GMDS: variants seen among roughly 807,000 people sequenced by gnomAD.
The protein encoded by GMDS is GDP-mannose 4,6-dehydratase.
In GMDS, 20 loss-of-function variants were observed where a neutral mutation model predicts 49.9. That is an observed-to-expected ratio of 0.40 (90% CI 0.28 to 0.58). GMDS has a LOEUF of 0.58. GMDS is among the 20% of genes least tolerant of loss of function. The pLI is 0.42. For missense variants in GMDS, 362 were observed against 481.4 expected (o/e 0.75, Z 2.32); for synonymous variants, 177 against 178.6 (o/e 0.99, Z 0.07).
rs115929336 is a variant in GMDS, at chr6:1,885,726, C to T, written c.771+44377G>A. On this transcript the variant is annotated intron_variant, in intron 7 of 10. Coordinates refer to ENST00000380815, the MANE Select transcript of GMDS (RefSeq NM_001500.4). The stretch of plus-strand genomic sequence containing the variant: ...GTTACCATCTACTTGCTATTCCCTA[C>T]GGGACATCGCTCCTCCTCTGGTATG... Among the ~76,000 whole-genome samples, 590 of 152,298 alleles carry T rather than the reference C, an allele frequency of 3.9e-3. 7 individuals carry two copies. Among genetic ancestry groups the T allele is most frequent in the African/African-American group, 0.011 (473 of 41,560 alleles).
intron 4 of GMDS, among the ~76,000 whole-genome samples, chr6:2,016,040 C>A (rs1767871119): frequency 1.3e-5 from 1 of 78,530 alleles, no homozygotes; most frequent in African/African-American, 4.8e-5. Flanking sequence ...GAAATAGAGA[C>A]CAGCCTAGGC....
intron 9 of GMDS, among the ~76,000 whole-genome samples, chr6:1,661,378 T>C (rs985969405): frequency 1.3e-5 from 2 of 152,202 alleles, no homozygotes; most frequent in African/African-American, 2.4e-5. Context: ...TAAGCAGCTT[T>C]GCATCTTCAA....
At chr6:2,241,392 T>G (rs953530431) in intron 1 of GMDS, among the ~76,000 whole-genome samples, 3 of 152,178 alleles carry the variant, frequency 2.0e-5, no homozygotes, top group African/African-American at 7.2e-5. Context: ...GTATTTTGCA[T>G]GAGAAAGATG....
At chr6:2,062,858 G>A (rs1019475863) in intron 4 of GMDS, among the ~76,000 whole-genome samples, 1 of 152,216 alleles carries the variant, frequency 6.6e-6, no homozygotes, top group Non-Finnish European at 1.5e-5. Flanking sequence ...ATTAATTAAT[G>A]TTTCTGAGCC....
chr6:2,155,000 C>A (rs1020995600), intron 1 of GMDS, among the ~76,000 whole-genome samples: 81 of 151,946 alleles, frequency 5.3e-4, no homozygotes, highest in African/African-American at 1.9e-3. Context: ...TAATATTCAA[C>A]CTTTAAAGAG....
chr6:1,639,743 T>TG (rs1450994485), intron 9 of GMDS, among the ~76,000 whole-genome samples: 1 of 152,180 alleles, frequency 6.6e-6, no homozygotes, highest in Non-Finnish European at 1.5e-5. Flanking sequence ...CCGGGTGTGG[T>TG]GGTGCATGCC....
intron 8 of GMDS, among the ~76,000 whole-genome samples, chr6:1,731,460 A>T (rs181945772): frequency 6.6e-6 from 1 of 152,342 alleles, no homozygotes; most frequent in African/African-American, 2.4e-5. Flanking sequence ...GGTCTGAAAC[A>T]CTTTCTAGAG....
intron 9 of GMDS, among the ~76,000 whole-genome samples, chr6:1,707,991 T>C (rs1482622696): frequency 6.6e-6 from 1 of 152,220 alleles, no homozygotes; most frequent in Non-Finnish European, 1.5e-5. Flanking sequence ...ACATCCTTAC[T>C]ATTCACATGC....
At chr6:1,827,664 A>T (rs990082746) in intron 7 of GMDS, among the ~76,000 whole-genome samples, 1 of 152,214 alleles carries the variant, frequency 6.6e-6, no homozygotes, top group African/African-American at 2.4e-5. Flanking sequence ...TATTCAAAAC[A>T]GCTGCATAGA....
intron 7 of GMDS, among the ~76,000 whole-genome samples, chr6:1,885,747 G>A (rs1759571314): frequency 1.3e-5 from 2 of 152,168 alleles, no homozygotes; most frequent in Non-Finnish European, 2.9e-5. Context: ...TCCTCCTCTG[G>A]TATGGAACGT....
chr6:2,235,430 C>A (rs1217963316), intron 1 of GMDS, among the ~76,000 whole-genome samples: 1 of 152,196 alleles, frequency 6.6e-6, no homozygotes, highest in Admixed American at 6.5e-5. Flanking sequence ...GCACCCAAAT[C>A]CAGGTCTTAT....
chr6:2,101,061 T>TA (rs148836698), intron 4 of GMDS, among the ~76,000 whole-genome samples: 5 of 151,678 alleles, frequency 3.3e-5, no homozygotes, highest in Non-Finnish European at 4.4e-5. Flanking sequence ...ATTTTTTTTT[T>TA]AAAAAGTGAG....
intron 7 of GMDS, among the ~76,000 whole-genome samples, chr6:1,807,499 C>A (rs886523983): frequency 6.6e-6 from 1 of 152,192 alleles, no homozygotes; most frequent in East Asian, 1.9e-4. Context: ...GGACTGTGAA[C>A]CCCATGAGGG....
intron 7 of GMDS, among the ~76,000 whole-genome samples, chr6:1,847,131 A>G (rs997074716): frequency 6.6e-6 from 1 of 152,108 alleles, no homozygotes; most frequent in Non-Finnish European, 1.5e-5. Context: ...ATCATAGCTC[A>G]CTGCAGTCTA....
chr6:2,139,155 AT>A (rs1048438582), intron 1 of GMDS, among the ~76,000 whole-genome samples: 1 of 152,234 alleles, frequency 6.6e-6, no homozygotes, highest in Non-Finnish European at 1.5e-5. Context: ...CCACCATACA[AT>A]TCACCCACGT....
chr6:1,726,604 G>T (rs894324548), intron 8 of GMDS, 92 bp from the exon 9 acceptor site: 5 of 877,232 alleles, frequency 5.7e-6, no homozygotes, highest in African/African-American at 4.9e-5. Flanking sequence ...CCCTCTCCCC[G>T]CAGGAGCGCT....
At chr6:1,964,977 C>T (rs1250996331) in intron 4 of GMDS, among the ~76,000 whole-genome samples, 1 of 151,844 alleles carries the variant, frequency 6.6e-6, no homozygotes, top group Non-Finnish European at 1.5e-5. Flanking sequence ...CAGCTTCATC[C>T]ATGTCCCTAC....
chr6:2,218,392 C>T (rs1780433073), intron 1 of GMDS, among the ~76,000 whole-genome samples: 2 of 152,116 alleles, frequency 1.3e-5, no homozygotes, highest in South Asian at 4.1e-4. Context: ...AAGTTTTAAA[C>T]AAGGGATGAA....
Position 2,109,097 on chromosome 6 carries a change from G to A in GMDS, c.345+6674C>T, listed in dbSNP as rs1021387840. Among the ~76,000 whole-genome samples the A allele has an allele frequency of 3.2e-4, 48 of 152,106 alleles. 1 individual carries two copies. Among genetic ancestry groups the A allele is most frequent in the African/African-American group, 1.1e-3 (44 of 41,420 alleles). On this transcript the variant is annotated intron_variant, in intron 4 of 10. Transcript: ENST00000380815. ...AGTCCCAGGCAGAAACAGCAAAGAC[G>A]GATATGTTGACTATGTAACCTGAGC...
Sources: allele counts gnomAD v4.1 joint callset (sites outside exome capture counted in the v4.1 genomes callset), GRCh38; gene constraint gnomAD v4.1.1; transcripts MANE v1.5; gene names NCBI Gene and HGNC (gene_info 2026-07-23, HGNC 2026-07-21).